FER: variants seen among roughly 807,000 people sequenced by gnomAD.
The protein encoded by FER is tyrosine-protein kinase Fer.
In FER, 63 loss-of-function variants were observed where a neutral mutation model predicts 111.0. The ratio of observed to expected loss-of-function variants is 0.57; its 90% CI spans 0.46 to 0.70. The LOEUF is 0.70. Among genes scored for constraint, FER ranks in the 30% least tolerant of loss-of-function variants. FER has a pLI of 0.00. For missense variants in FER, 914 were observed against 954.0 expected (o/e 0.96, Z 0.55); for synonymous variants, 327 against 313.9 (o/e 1.04, Z -0.44).
At chr5:108,807,359 C>T (rs1037295029) in intron 3 of FER, among the ~76,000 whole-genome samples, 21 of 152,086 alleles carry the variant, frequency 1.4e-4, no homozygotes, top group East Asian at 1.9e-4. Context: ...TGAGAAGTTG[C>T]GTGTTTCCAG....
At chr5:108,810,936 C>T (rs1212582254) in intron 3 of FER, among the ~76,000 whole-genome samples, 1 of 152,132 alleles carries the variant, frequency 6.6e-6, no homozygotes, top group South Asian at 2.1e-4. Flanking sequence ...GCCTGGAGAC[C>T]TGCCCTGGTG....
chr5:109,082,265 T>G (rs1487616384), intron 16 of FER, among the ~76,000 whole-genome samples: 2 of 152,052 alleles, frequency 1.3e-5, no homozygotes, highest in African/African-American at 4.8e-5. Flanking sequence ...GAGCTTACTG[T>G]GTGACCTGAG....
intron 2 of FER, among the ~76,000 whole-genome samples, chr5:108,773,461 C>A (rs903135680): frequency 5.9e-5 from 9 of 152,136 alleles, no homozygotes; most frequent in Non-Finnish European, 1.0e-4. Flanking sequence ...GTTTTCTGTT[C>A]CTACGTTACT....
rs565000627 is a variant in FER, at chr5:109,042,826, A to G, written c.1714-1854A>G. 2.0e-5 allele frequency among the ~76,000 whole-genome samples: 3 copies of G among 152,310 alleles called. No individual in the cohort carries two copies. The South Asian group carries it at 6.2e-4, about 32-fold the overall frequency. On this transcript the variant is annotated intron_variant, in intron 14 of 19. Coordinates refer to ENST00000281092, the MANE Select transcript of FER (RefSeq NM_005246.4). ...GAAAAGGCATGACACGTATTTAGGGATCACTATGTATTTGAGTTCAGAGTA... is the reference window on the plus strand; with the variant it reads ...GAAAAGGCATGACACGTATTTAGGGGTCACTATGTATTTGAGTTCAGAGTA...
At chr5:109,133,042 G>A (rs1337826063) in intron 17 of FER, among the ~76,000 whole-genome samples, 4 of 152,158 alleles carry the variant, frequency 2.6e-5, no homozygotes, top group Admixed American at 6.6e-5. Flanking sequence ...AGTCATTGTA[G>A]AAGATGTTCA....
At chr5:109,116,167 T>C (rs1236154153) in intron 17 of FER, among the ~76,000 whole-genome samples, 15 of 152,076 alleles carry the variant, frequency 9.9e-5, no homozygotes, top group Non-Finnish European at 1.6e-4. Context: ...CTTGCTCTAA[T>C]GGTAGCAGTG....
intron 13 of FER, among the ~76,000 whole-genome samples, chr5:108,992,768 C>T (rs1240319329): frequency 2.0e-5 from 3 of 150,926 alleles, no homozygotes; most frequent in African/African-American, 7.3e-5. Flanking sequence ...CGGAGGGGCT[C>T]CTCACTTCTC....
In FER at chr5:108,959,234, C is replaced by T; in HGVS notation, c.1543C>T (p.Arg515Ter). The T allele has an allele frequency of 3.7e-6, 6 of 1,611,224 alleles. No individual in the cohort carries two copies. The highest frequency in any genetic ancestry group is 5.1e-6 in the Non-Finnish European group (6 of 1,178,350). The change falls in exon 13 of 20, where the codon CGA (arginine) becomes TGA (stop). Residue 515 changes from arginine (R) to a stop codon, truncating the protein, a stop_gained. Transcript: ENST00000281092. LOFTEE classifies it high-confidence loss of function. ...FIIQYVDNMY[R>*]FEGTGFSNIP... ...ATTGTTCTCTCTCCAGAACATGTAT[C>T]GATTCGAGGGCACTGGGTTTTCAAA...
intron 16 of FER, chr5:109,052,308 A>G (rs1307172901): frequency 6.2e-7 from 1 of 1,607,892 alleles, no homozygotes; most frequent in Non-Finnish European, 8.5e-7. Flanking sequence ...AACGAAAGGC[A>G]GACTGCTCAT....
intron 2 of FER, among the ~76,000 whole-genome samples, chr5:108,778,341 A>T (rs1332760915): frequency 6.6e-6 from 1 of 152,198 alleles, no homozygotes; most frequent in East Asian, 1.9e-4. Flanking sequence ...ATTTAATTTA[A>T]TCATAGTTAA....
chr5:108,979,530 TAAGTA>T (rs1242328783), intron 13 of FER, among the ~76,000 whole-genome samples: 1 of 152,160 alleles, frequency 6.6e-6, no homozygotes, highest in Non-Finnish European at 1.5e-5. Context: ...GGCATTACTT[TAAGTA>T]TAGAGAAAGG....
At chr5:108,838,537 T>TCAG (rs772856629) in intron 5 of FER, among the ~76,000 whole-genome samples, 11 of 152,054 alleles carry the variant, frequency 7.2e-5, no homozygotes, top group Non-Finnish European at 1.5e-4. Flanking sequence ...AACTGGGAGT[T>TCAG]CAGCAGTAGT....
chr5:109,012,920 T>C (rs10066402), intron 13 of FER, among the ~76,000 whole-genome samples: 1,547 of 152,180 alleles, frequency 0.01, 32 homozygotes, highest in African/African-American at 0.035. Context: ...GCAAGGGACA[T>C]TGGAAGTAAA....
At chr5:109,016,008 G>T (rs1039750758) in intron 13 of FER, among the ~76,000 whole-genome samples, 4 of 151,834 alleles carry the variant, frequency 2.6e-5, no homozygotes, top group African/African-American at 9.7e-5. Context: ...TGGAGGACTG[G>T]GTCACATTTA....
chr5:109,029,614 G>A (rs1458902502), intron 13 of FER, among the ~76,000 whole-genome samples: 1 of 151,704 alleles, frequency 6.6e-6, no homozygotes, highest in Non-Finnish European at 1.5e-5. Flanking sequence ...ACTATTTACA[G>A]TTGACAGTTA....
chr5:109,044,805 TTAAAG>T lies in FER; in HGVS notation c.1829+14_1829+18del. ...TTTTACAAGAAGCCAAGTGAGTTAT[TTAAAG>T]TAATCAAAATATGTATTTATTATGT... On this transcript the variant is annotated intron_variant, in intron 15 of 19. Transcript: ENST00000281092. The T allele has an allele frequency of 7.8e-7, 1 of 1,277,652 alleles. No homozygotes were observed. The allele number at this position is 1,277,652 out of a possible 1,614,324, so 79.1% of individuals were successfully genotyped here. A position where few individuals can be genotyped will look rare whatever the true frequency, so the allele number is the denominator to read the frequency against.
chr5:108,920,268 T>C (rs1752849831), intron 10 of FER, among the ~76,000 whole-genome samples: 1 of 152,122 alleles, frequency 6.6e-6, no homozygotes, highest in Non-Finnish European at 1.5e-5. Context: ...TACCAAAAGT[T>C]ATCACCCTGC....
At chr5:108,762,137 A>C (rs1751827864) in intron 1 of FER, among the ~76,000 whole-genome samples, 1 of 151,016 alleles carries the variant, frequency 6.6e-6, no homozygotes, top group Non-Finnish European at 1.5e-5. Flanking sequence ...CTGGTCTTGA[A>C]CTCCTTACGT....
intron 13 of FER, among the ~76,000 whole-genome samples, chr5:108,997,157 G>C (rs548202768): frequency 6.6e-6 from 1 of 151,882 alleles, no homozygotes; most frequent in African/African-American, 2.4e-5. Context: ...GGAGATTTTG[G>C]GCTGAGGGGA....
Sources: allele counts gnomAD v4.1 joint callset (sites outside exome capture counted in the v4.1 genomes callset), GRCh38; gene constraint gnomAD v4.1.1; transcripts MANE v1.5; gene names NCBI Gene and HGNC (gene_info 2026-07-23, HGNC 2026-07-21).